The following PHF21B variants were observed in gnomAD, a reference collection of about 807,000 sequenced individuals.
PHF21B encodes the protein PHD finger protein 21B.
PHF21B carries 22 observed loss-of-function variants against 62.2 expected under a neutral mutation model. The ratio of observed to expected loss-of-function variants is 0.35; its 90% CI spans 0.25 to 0.51. The LOEUF is 0.51. Among genes scored for constraint, PHF21B ranks in the 20% least tolerant of loss-of-function variants. The pLI is 0.97. For missense variants in PHF21B, 701 were observed against 707.9 expected (o/e 0.99, Z 0.11); for synonymous variants, 341 against 314.7 (o/e 1.08, Z -0.88).
rs1001851276 is a variant in PHF21B, at chr22:44,982,093, G to C, written c.120+26452C>G. Among the ~76,000 whole-genome samples, 9 of 152,352 alleles carry C rather than the reference G, an allele frequency of 5.9e-5. 1 individual carries two copies. Reference sequence around the variant, plus strand: ...CGGTGGAAACAGCGCTGGGCTAGGGGGTCATGGCACACAGGTTCTCTCCTG... The same window carrying C: ...CGGTGGAAACAGCGCTGGGCTAGGGCGTCATGGCACACAGGTTCTCTCCTG... On this transcript the variant is annotated intron_variant, in intron 2 of 12. Coordinates refer to ENST00000313237, the MANE Select transcript of PHF21B (RefSeq NM_138415.5).
intron 2 of PHF21B, among the ~76,000 whole-genome samples, chr22:45,006,918 C>T (rs2073324598): frequency 6.6e-6 from 1 of 151,766 alleles, no homozygotes; most frequent in South Asian, 2.1e-4. Context: ...CAGCTTTGTG[C>T]TCTGCGGAAA....
chr22:44,899,082 A>G (rs764842576), intron 5 of PHF21B, among the ~76,000 whole-genome samples: 5 of 152,104 alleles, frequency 3.3e-5, no homozygotes, highest in Non-Finnish European at 4.4e-5. Context: ...ATATCCCTTC[A>G]CTGTTTTTCC....
At chr22:44,995,290 C>T (rs950748896) in intron 2 of PHF21B, among the ~76,000 whole-genome samples, 1 of 152,176 alleles carries the variant, frequency 6.6e-6, no homozygotes, top group Non-Finnish European at 1.5e-5. Flanking sequence ...TCTTTGGTAC[C>T]GTCCCTCATG....
At chr22:44,921,367 T>C (rs867033108) in intron 2 of PHF21B, among the ~76,000 whole-genome samples, 24 of 152,030 alleles carry the variant, frequency 1.6e-4, no homozygotes, top group Middle Eastern at 3.4e-3. Flanking sequence ...TTCTTTTTTT[T>C]TTTCTTTTTT....
chr22:44,951,732 T>C (rs2072198554), intron 2 of PHF21B, among the ~76,000 whole-genome samples: 1 of 152,240 alleles, frequency 6.6e-6, no homozygotes, highest in South Asian at 2.1e-4. Context: ...TCATAAAGAA[T>C]GGCTAATGCT....
At chr22:44,991,613 G>T (rs1009877326) in intron 2 of PHF21B, among the ~76,000 whole-genome samples, 2 of 152,210 alleles carry the variant, frequency 1.3e-5, no homozygotes, top group African/African-American at 4.8e-5. Context: ...GACATCCATG[G>T]AGGGGCAGTC....
At chr22:44,906,754 T>G (rs2071257828) in intron 5 of PHF21B, among the ~76,000 whole-genome samples, 1 of 151,824 alleles carries the variant, frequency 6.6e-6, no homozygotes, top group Non-Finnish European at 1.5e-5. Flanking sequence ...AAATGAACCT[T>G]GTAATTCCTG....
chr22:44,993,276 C>G (rs1406565286), intron 2 of PHF21B, among the ~76,000 whole-genome samples: 3 of 152,228 alleles, frequency 2.0e-5, no homozygotes, highest in Non-Finnish European at 4.4e-5. Context: ...CACACTCCAG[C>G]TTCAGATATA....
chr22:44,952,771 C>T (rs1000953835), intron 2 of PHF21B, among the ~76,000 whole-genome samples: 3 of 152,220 alleles, frequency 2.0e-5, no homozygotes, highest in African/African-American at 7.2e-5. Context: ...TATGAGCCTC[C>T]TCTAAATAAC....
chr22:44,907,993 G>A (rs932325012), intron 5 of PHF21B, among the ~76,000 whole-genome samples: 7 of 152,156 alleles, frequency 4.6e-5, no homozygotes, highest in African/African-American at 1.2e-4. Flanking sequence ...CTGGTAATGC[G>A]GCCCCTTTCA....
chr22:44,960,537 C>T (rs552896537), intron 2 of PHF21B, among the ~76,000 whole-genome samples: 11 of 152,318 alleles, frequency 7.2e-5, no homozygotes, highest in African/African-American at 2.6e-4. Flanking sequence ...CCATGTCTGT[C>T]TTCCCCAAGA....
intron 2 of PHF21B, among the ~76,000 whole-genome samples, chr22:44,957,723 T>C (rs2072330049): frequency 6.6e-6 from 1 of 152,186 alleles, no homozygotes; most frequent in African/African-American, 2.4e-5. Context: ...TCCAGGCTGC[T>C]GGGGCCCCCT....
rs1269623965 is a variant in PHF21B at position 44,883,023 on chromosome 22, C to G, written c.*63G>C. On this transcript the variant is annotated 3_prime_UTR_variant, in exon 13 of 13. Transcript: ENST00000313237. ...GTTTATGAATTAAGGCCGACAGAAC[C>G]CCCAGGCTGTGTAAGCAGGGTCCCA... The G allele has an allele frequency of 1.5e-5, 22 of 1,503,732 alleles. No homozygotes were observed. In the East Asian group the frequency reaches 4.3e-4, roughly 30 times the overall value. The allele number at this position is 1,503,732 out of a possible 1,614,324, so 93.1% of individuals were successfully genotyped here.
At chr22:44,926,334 G>A (rs192385232) in intron 2 of PHF21B, among the ~76,000 whole-genome samples, 53 of 152,386 alleles carry the variant, frequency 3.5e-4, no homozygotes, top group Non-Finnish European at 3.4e-4. Context: ...GGGGCAGGCC[G>A]TGGGGCCCCG....
At chr22:44,958,169 C>G (rs1265455956) in intron 2 of PHF21B, among the ~76,000 whole-genome samples, 1 of 152,200 alleles carries the variant, frequency 6.6e-6, no homozygotes, top group Non-Finnish European at 1.5e-5. Flanking sequence ...TCCCAAAGTG[C>G]TGGGATTACA....
intron 2 of PHF21B, among the ~76,000 whole-genome samples, chr22:45,007,722 GTGT>G (rs1300172912): frequency 3.1e-5 from 1 of 32,728 alleles, no homozygotes; most frequent in Non-Finnish European, 1.2e-4. Flanking sequence ...GAAGGGGCGG[GTGT>G]GCGAGTGCGG....
At chr22:44,980,030 C>A (rs1054691348) in intron 2 of PHF21B, among the ~76,000 whole-genome samples, 2 of 141,642 alleles carry the variant, frequency 1.4e-5, no homozygotes, top group African/African-American at 5.4e-5. Context: ...GATCACGCCA[C>A]TGCACTCCAG....
In PHF21B at chr22:44,883,000, T is replaced by G; in HGVS notation, c.*86A>C. ...AATTTTTGTCTGAAATTCATAGTGT[T>G]TATGAATTAAGGCCGACAGAACCCC... On this transcript the variant is annotated 3_prime_UTR_variant, in exon 13 of 13. Transcript: ENST00000313237. The G allele has an allele frequency of 7.2e-7, 1 of 1,396,300 alleles. No homozygotes were observed. The highest frequency in any genetic ancestry group is 9.7e-7 in the Non-Finnish European group (1 of 1,033,476). The allele number at this position is 1,396,300 out of a possible 1,614,324, so 86.5% of individuals were successfully genotyped here.
intron 2 of PHF21B, among the ~76,000 whole-genome samples, chr22:45,006,347 T>C (rs2073313630): frequency 6.6e-6 from 1 of 152,200 alleles, no homozygotes; most frequent in South Asian, 2.1e-4. Flanking sequence ...GAAAAAAAGT[T>C]TTCCTTGCTT....
Sources: allele counts gnomAD v4.1 joint callset (sites outside exome capture counted in the v4.1 genomes callset), GRCh38; gene constraint gnomAD v4.1.1; transcripts MANE v1.5; gene names NCBI Gene and HGNC (gene_info 2026-07-23, HGNC 2026-07-21).